The following LRBA variants were observed in gnomAD, a reference collection of about 807,000 sequenced individuals.
LRBA encodes LPS responsive beige-like anchor protein.
LRBA carries 176 observed loss-of-function variants against 330.0 expected under a neutral mutation model. The observed-to-expected ratio is 0.53, with a 90% CI of 0.47 to 0.60. The LOEUF (loss-of-function observed/expected upper bound fraction) is 0.60, where lower values mean the gene tolerates loss of function less well. Among genes scored for constraint, LRBA ranks in the 20% least tolerant of loss-of-function variants. The pLI, the probability that LRBA is intolerant of heterozygous loss-of-function variation, is 0.00. For synonymous variants in LRBA, 1,230 were observed against 1,193.0 expected (o/e 1.03, Z -0.64); for missense variants, 3,259 against 3,444.8 (o/e 0.95, Z 1.35).
intron 36 of LRBA, among the ~76,000 whole-genome samples, chr4:150,697,322 T>A (rs1325083385): frequency 3.0e-4 from 1 of 3,328 alleles, no homozygotes. Context: ...AGACTTTGTC[T>A]CAGAAAAAAA....
intron 36 of LRBA, among the ~76,000 whole-genome samples, chr4:150,713,946 T>G (rs941527623): frequency 2.0e-5 from 3 of 152,150 alleles, no homozygotes; most frequent in Non-Finnish European, 4.4e-5. Flanking sequence ...ATCAGATGAG[T>G]GTGCTCCTAA....
chr4:150,483,120 C>T (rs140145803), intron 42 of LRBA, among the ~76,000 whole-genome samples: 4 of 152,090 alleles, frequency 2.6e-5, no homozygotes, highest in Admixed American at 6.6e-5. Flanking sequence ...TTAGCACTTA[C>T]GTTTGTCTAC....
chr4:150,522,873 C>T, intron 40 of LRBA, among the ~76,000 whole-genome samples: 1 of 152,184 alleles, frequency 6.6e-6, no homozygotes, highest in Non-Finnish European at 1.5e-5. Context: ...AGAAGTGGGG[C>T]CACTGAATAG....
intron 34 of LRBA, among the ~76,000 whole-genome samples, chr4:150,772,587 T>C (rs943025415): frequency 6.6e-6 from 1 of 152,208 alleles, no homozygotes; most frequent in Non-Finnish European, 1.5e-5. Context: ...GTTCAGTCTC[T>C]ACTTAAACCT....
At chr4:150,454,221 A>G (rs1753765947) in intron 44 of LRBA, among the ~76,000 whole-genome samples, 1 of 152,102 alleles carries the variant, frequency 6.6e-6, no homozygotes, top group African/African-American at 2.4e-5. Flanking sequence ...GGCCTCCCAA[A>G]GTGCTGGGAT....
chr4:150,524,609 A>C (rs1327251474), intron 40 of LRBA, among the ~76,000 whole-genome samples: 2 of 152,156 alleles, frequency 1.3e-5, no homozygotes, highest in African/African-American at 4.8e-5. Flanking sequence ...ATATTTACTA[A>C]TGGCTTTCAC....
chr4:150,331,488 T>C (rs533558719), intron 48 of LRBA, among the ~76,000 whole-genome samples: 1 of 152,314 alleles, frequency 6.6e-6, no homozygotes, highest in Non-Finnish European at 1.5e-5. Context: ...TCCCCACATA[T>C]CCATTAGCCA....
At chr4:150,925,905 G>A (rs1276422126) in intron 4 of LRBA, among the ~76,000 whole-genome samples, 3 of 151,886 alleles carry the variant, frequency 2.0e-5, no homozygotes, top group Non-Finnish European at 2.9e-5. Context: ...TAGAAAAGTG[G>A]GCAAAATGTA....
chr4:150,987,077 A>G (rs1404964125), intron 2 of LRBA, among the ~76,000 whole-genome samples: 1 of 152,188 alleles, frequency 6.6e-6, no homozygotes, highest in Non-Finnish European at 1.5e-5. Flanking sequence ...TTCCATATCA[A>G]GTTTTCATGT....
At chr4:150,692,451 C>A (rs780154889) in intron 36 of LRBA, among the ~76,000 whole-genome samples, 2 of 152,016 alleles carry the variant, frequency 1.3e-5, no homozygotes, top group Non-Finnish European at 2.9e-5. Context: ...AACTCCTGAG[C>A]GCAAGCAATC....
chr4:150,389,909 G>C (rs886203713), intron 47 of LRBA, among the ~76,000 whole-genome samples: 1 of 116,692 alleles, frequency 8.6e-6, no homozygotes, highest in African/African-American at 3.0e-5. Flanking sequence ...TTTTGTCTGG[G>C]TATTTTTTTT....
intron 30 of LRBA, among the ~76,000 whole-genome samples, chr4:150,820,550 T>C (rs1383267372): frequency 5.3e-5 from 8 of 152,034 alleles, no homozygotes. Context: ...TTATTTCATA[T>C]AGCTACATAA....
intron 2 of LRBA, among the ~76,000 whole-genome samples, chr4:150,935,847 G>A (rs1191086452): frequency 3.3e-5 from 5 of 151,846 alleles, no homozygotes; most frequent in Middle Eastern, 3.9e-3. Flanking sequence ...AAAAAATTAA[G>A]ACTGAATCCT....
intron 42 of LRBA, among the ~76,000 whole-genome samples, chr4:150,476,261 A>G (rs1232566561): frequency 1.3e-5 from 2 of 152,186 alleles, no homozygotes; most frequent in Admixed American, 1.3e-4. Flanking sequence ...ATACTACTTT[A>G]GCTGCATCTC....
intron 17 of LRBA, among the ~76,000 whole-genome samples, chr4:150,890,070 G>C: frequency 6.6e-6 from 1 of 152,166 alleles, no homozygotes; most frequent in East Asian, 1.9e-4. Context: ...TGTACTAGAA[G>C]TAAGTAAACA....
At chr4:150,447,925 A>AT (rs1752814999) in intron 44 of LRBA, among the ~76,000 whole-genome samples, 1 of 152,216 alleles carries the variant, frequency 6.6e-6, no homozygotes, top group African/African-American at 2.4e-5. Context: ...TAAGAAGCTC[A>AT]TTTTAAAAAG....
intron 47 of LRBA, among the ~76,000 whole-genome samples, chr4:150,397,431 C>T (rs1382117935): frequency 6.6e-6 from 1 of 151,948 alleles, no homozygotes; most frequent in South Asian, 2.1e-4. Context: ...GCACATGACA[C>T]CATGCCCAGC....
chr4:150,692,188 A>G (rs1784199952), intron 36 of LRBA, among the ~76,000 whole-genome samples: 1 of 151,738 alleles, frequency 6.6e-6, no homozygotes, highest in Admixed American at 6.6e-5. Context: ...ATACTTCAAT[A>G]AAGTTTATTT....
intron 33 of LRBA, among the ~76,000 whole-genome samples, chr4:150,800,949 T>C (rs912532141): frequency 6.6e-5 from 10 of 152,172 alleles, no homozygotes; most frequent in African/African-American, 2.2e-4. Flanking sequence ...CACCCAGATA[T>C]ATCACTTCAG....
Sources: gnomAD v4.1 joint callset for allele counts (sites outside exome capture counted in the v4.1 genomes callset) on GRCh38, gnomAD v4.1.1 for gene constraint, MANE v1.5 for transcripts, NCBI Gene and HGNC (gene_info 2026-07-23, HGNC 2026-07-21) for gene names.